Variants in ALMS1 observed in about 807,000 individuals in gnomAD.
The protein encoded by ALMS1 is centrosome-associated protein ALMS1.
A neutral mutation model predicts 352.2 loss-of-function variants in ALMS1; 271 were observed. The ratio of observed to expected loss-of-function variants is 0.77; its 90% CI spans 0.70 to 0.85. The LOEUF is 0.85. Among genes scored for constraint, ALMS1 ranks in the 40% least tolerant of loss-of-function variants. The pLI is 0.00. For missense variants in ALMS1, 5,445 were observed against 4,870.7 expected (o/e 1.12, Z -3.51); for synonymous variants, 1,865 against 1,761.2 (o/e 1.06, Z -1.48).
intron 10 of ALMS1, among the ~76,000 whole-genome samples, chr2:73,513,157 A>G (rs2103948064): frequency 6.6e-6 from 1 of 152,098 alleles, no homozygotes; most frequent in Non-Finnish European, 1.5e-5. Context: ...CAAACACTTT[A>G]TTGTCTGTCT....
At chr2:73,429,316 T>A (rs2103727675) in intron 6 of ALMS1, among the ~76,000 whole-genome samples, 1 of 150,318 alleles carries the variant, frequency 6.7e-6, no homozygotes, top group South Asian at 2.2e-4. Flanking sequence ...AGTTTTGCTC[T>A]TGTCATCCAG....
At chr2:73,583,961 C>T (rs1405908060) in intron 16 of ALMS1, among the ~76,000 whole-genome samples, 1 of 152,076 alleles carries the variant, frequency 6.6e-6, no homozygotes, top group African/African-American at 2.4e-5. Context: ...TTTGGCTATT[C>T]AGGATTTCTT....
At chr2:73,504,409 C>T (rs945327118) in intron 10 of ALMS1, among the ~76,000 whole-genome samples, 3 of 152,130 alleles carry the variant, frequency 2.0e-5, no homozygotes, top group Non-Finnish European at 4.4e-5. Flanking sequence ...CTAGTCACAC[C>T]CTGTTCCCTC....
rs1671206865 is a variant in ALMS1 at position 73,417,867 on chromosome 2, A to AAAAG, written c.451-1256_451-1255insAAAG. On this transcript the variant is annotated intron_variant, in intron 2 of 22. Coordinates refer to ENST00000613296, the MANE Select transcript of ALMS1 (RefSeq NM_001378454.1). ...AATACCTTTTAAACTTGTCACCATTAGTATTTAATACGACTTTAATTCAGC... is the reference window on the plus strand; with the variant it reads ...AATACCTTTTAAACTTGTCACCATTAAAAGGTATTTAATACGACTTTAATTCAGC... Among the ~76,000 whole-genome samples, 6 of 152,198 alleles carry AAAAG rather than the reference A, an allele frequency of 3.9e-5. No individual in the cohort carries two copies. The South Asian group carries it at 8.3e-4, about 21-fold the overall frequency.
intron 9 of ALMS1, among the ~76,000 whole-genome samples, chr2:73,481,804 G>A (rs1672712052): frequency 6.6e-6 from 1 of 151,350 alleles, no homozygotes; most frequent in South Asian, 2.1e-4. Context: ...TCCCTTGTAA[G>A]TTGGATTCCT....
At chr2:73,597,781 CTT>C (rs36025075) in intron 16 of ALMS1, among the ~76,000 whole-genome samples, 10 of 142,118 alleles carry the variant, frequency 7.0e-5, no homozygotes, top group Admixed American at 7.1e-5. Context: ...TGACACAGAG[CTT>C]TTTTTTTTTT....
rs377239521 is a variant in ALMS1, at chr2:73,449,995, G to A, written c.3468G>A (p.Gln1156=). 5 of 1,612,676 alleles carry A rather than the reference G, an allele frequency of 3.1e-6. No individual in the cohort carries two copies. Among genetic ancestry groups the A allele is most frequent in the Non-Finnish European group, 4.2e-6 (5 of 1,179,554 alleles). The change falls in exon 8 of 23, where the codon CAG becomes CAA. Residue 1156 remains glutamine (Q), a synonymous_variant. Transcript: ENST00000613296. ...GAGAAAAGCCCAGCATTTTCCACCA[G>A]CAGGCCTTGCCAGGTACTCATATAC... The part of the protein sequence containing the change: ...QHREKPSIFH[Q]QALPGTHIPE...
At chr2:73,422,108 T>C (rs1671295234) in intron 3 of ALMS1, among the ~76,000 whole-genome samples, 1 of 152,180 alleles carries the variant, frequency 6.6e-6, no homozygotes, top group African/African-American at 2.4e-5. Flanking sequence ...AAAATGTATT[T>C]ATTAATTCAT....
intron 9 of ALMS1, among the ~76,000 whole-genome samples, chr2:73,487,877 A>G (rs1370258936): frequency 1.3e-5 from 2 of 151,796 alleles, no homozygotes; most frequent in African/African-American, 2.4e-5. Flanking sequence ...GTCATCCCAT[A>G]ATCTGCATCT....
At chr2:73,565,342 A>G (rs148221593) in intron 15 of ALMS1, among the ~76,000 whole-genome samples, 21 of 152,360 alleles carry the variant, frequency 1.4e-4, no homozygotes, top group African/African-American at 4.6e-4. Flanking sequence ...AAAACTTCCC[A>G]GTGGCTAAAG....
rs747436819 is a variant in ALMS1 at position 73,568,995 on chromosome 2, C to CTTTTTTTT, written c.10385-3237_10385-3230dup. Among the ~76,000 whole-genome samples, 287 of 53,556 alleles carry CTTTTTTTT rather than the reference C, an allele frequency of 5.4e-3. 101 individuals are homozygous for CTTTTTTTT. The highest frequency in any genetic ancestry group is 0.012 in the East Asian group (23 of 1,976). The allele number at this position is 53,556 out of a possible 152,430, so 35.1% of individuals were successfully genotyped here. On this transcript the variant is annotated intron_variant, in intron 15 of 22. Transcript: ENST00000613296. ...AGCTTGCTTGCTGCTGCTTCTGCTT[C>CTTTTTTTT]TTTTTTTTTTTTTTTTTTTTTTTTT...
intron 9 of ALMS1, among the ~76,000 whole-genome samples, chr2:73,474,401 G>GTGTGTC (rs56205507): frequency 1.2e-4 from 6 of 49,044 alleles, no homozygotes; most frequent in African/African-American, 1.6e-4. Flanking sequence ...GTGTGTGTGT[G>GTGTGTC]TGTGTGTGTC....
rs1671978333 is a variant in ALMS1, at chr2:73,452,903, G to A, written c.6376G>A (p.Gly2126Arg). The A allele has an allele frequency of 6.2e-7, 1 of 1,613,776 alleles. No individual in the cohort carries two copies. Among genetic ancestry groups the A allele is most frequent in the South Asian group, 1.1e-5 (1 of 91,064 alleles). Residue 2126 changes from glycine (G) to arginine (R), a missense_variant, in exon 8 of 23, where the codon GGA becomes AGA. By Grantham distance (125) the Gly-to-Arg change is moderately radical. Coordinates refer to ENST00000613296, the MANE Select transcript of ALMS1 (RefSeq NM_001378454.1). ...TGTGCTGAAGGTTTCAACAATTCCT[G>A]GACCAGCTGGCCAGAAAACAGTATT... ...EDVLKVSTIPGPAGQKTVLPT... is the reference protein window; with the variant it reads ...EDVLKVSTIPRPAGQKTVLPT...
chr2:73,484,273 T>G (rs1302497162), intron 9 of ALMS1, among the ~76,000 whole-genome samples: 1 of 151,700 alleles, frequency 6.6e-6, no homozygotes, highest in Non-Finnish European at 1.5e-5. Context: ...GGCCTAGTGG[T>G]GACAAAATCT....
intron 10 of ALMS1, among the ~76,000 whole-genome samples, chr2:73,508,427 G>A (rs1041125198): frequency 7.9e-5 from 12 of 151,880 alleles, no homozygotes; most frequent in East Asian, 7.7e-4. Context: ...GGATGGTCTC[G>A]ATCTCCTGAC....
intron 2 of ALMS1, among the ~76,000 whole-genome samples, chr2:73,410,735 C>T (rs1033306231): frequency 6.6e-6 from 1 of 152,050 alleles, no homozygotes; most frequent in Non-Finnish European, 1.5e-5. Context: ...TAGTTATAAA[C>T]TTTGAAGAAA....
Position 73,489,660 on chromosome 2 carries a change from A to T in ALMS1, c.7701A>T (p.Gly2567=), listed in dbSNP as rs767409467. The change falls in exon 10 of 23, where the codon GGA becomes GGT. Residue 2567 remains glycine, a synonymous_variant. Coordinates refer to ENST00000613296, the MANE Select transcript of ALMS1 (RefSeq NM_001378454.1). ...GTTTACAGAGTCCACGGGGAATGGG[A>T]TGCAAGCCAGAAGCTGTATGTAGTC... ...SKGLQSPRGM[G]CKPEAVCSHI... The T allele has an allele frequency of 6.8e-6, 11 of 1,614,162 alleles. No individual in the cohort carries two copies. The South Asian group carries it at 8.8e-5, about 13-fold the overall frequency.
chr2:73,406,406 A>G (rs1223314085), intron 1 of ALMS1, among the ~76,000 whole-genome samples: 1 of 139,318 alleles, frequency 7.2e-6, no homozygotes, highest in African/African-American at 2.7e-5. Context: ...TAAACAGCAT[A>G]TAGTTGGGTC....
At chr2:73,400,134 G>A (rs1399992007) in intron 1 of ALMS1, among the ~76,000 whole-genome samples, 2 of 151,686 alleles carry the variant, frequency 1.3e-5, no homozygotes, top group East Asian at 3.9e-4. Flanking sequence ...GGTGGCAGAG[G>A]GGGGTCTCAC....
Sources: gnomAD v4.1 joint callset for allele counts (sites outside exome capture counted in the v4.1 genomes callset) on GRCh38, gnomAD v4.1.1 for gene constraint, MANE v1.5 for transcripts, NCBI Gene and HGNC (gene_info 2026-07-23, HGNC 2026-07-21) for gene names.